Variants in DGKB observed in about 807,000 individuals in gnomAD.
DGKB encodes diacylglycerol kinase beta.
DGKB carries 67 observed loss-of-function variants against 114.3 expected under a neutral mutation model. The ratio of observed to expected loss-of-function variants is 0.59; its 90% CI spans 0.48 to 0.72. The LOEUF is 0.72. DGKB is among the 30% of genes least tolerant of loss of function. DGKB has a pLI of 0.00. For missense variants in DGKB, 907 were observed against 975.2 expected, an observed-to-expected ratio of 0.93 and a Z score of 0.93; for synonymous variants, 398 against 323.1, an observed-to-expected ratio of 1.23 and a Z score of -2.49.
chr7:14,777,255 G>C (rs1428060759), intron 2 of DGKB, among the ~76,000 whole-genome samples: 2 of 152,088 alleles, frequency 1.3e-5, no homozygotes, highest in South Asian at 4.1e-4. Context: ...ATGAGACTTT[G>C]GACTTGGACT....
At chr7:14,896,455 A>G (rs910137561) in intron 1 of DGKB, among the ~76,000 whole-genome samples, 2 of 151,654 alleles carry the variant, frequency 1.3e-5, no homozygotes, top group African/African-American at 4.8e-5. Flanking sequence ...TATTTAATAA[A>G]TTTTGTAGCC....
intron 21 of DGKB, among the ~76,000 whole-genome samples, chr7:14,391,181 A>T (rs1292134180): frequency 6.6e-6 from 1 of 152,228 alleles, no homozygotes; most frequent in Admixed American, 6.5e-5. Context: ...ACTTTTAAGA[A>T]TTCAGTTAAC....
At chr7:14,498,067 G>A (rs778064194) in intron 20 of DGKB, among the ~76,000 whole-genome samples, 8 of 151,904 alleles carry the variant, frequency 5.3e-5, no homozygotes, top group Non-Finnish European at 1.0e-4. Context: ...GAATATCCAT[G>A]CTTTATTGTA....
intron 1 of DGKB, among the ~76,000 whole-genome samples, chr7:14,853,823 G>C (rs918174264): frequency 7.8e-5 from 11 of 140,478 alleles, no homozygotes; most frequent in African/African-American, 2.9e-4. Flanking sequence ...AGCCGAGATT[G>C]GGCCACTGCA....
chr7:14,887,760 A>C (rs922702291), intron 1 of DGKB, among the ~76,000 whole-genome samples: 5 of 151,826 alleles, frequency 3.3e-5, no homozygotes, highest in African/African-American at 1.2e-4. Flanking sequence ...ATTGTATCAT[A>C]TATTTAATTT....
intron 23 of DGKB, among the ~76,000 whole-genome samples, chr7:14,324,575 A>C (rs1290416297): frequency 6.6e-6 from 1 of 152,176 alleles, no homozygotes; most frequent in Non-Finnish European, 1.5e-5. Context: ...AGGATTGTCC[A>C]TGAAGAATGA....
intron 23 of DGKB, among the ~76,000 whole-genome samples, chr7:14,327,323 CAG>C (rs1310981609): frequency 6.6e-6 from 1 of 151,470 alleles, no homozygotes; most frequent in Non-Finnish European, 1.5e-5. Context: ...AAAAAGCAAA[CAG>C]AAATTTAAAA....
chr7:14,432,661 G>C (rs573953749), intron 21 of DGKB, among the ~76,000 whole-genome samples: 23 of 152,196 alleles, frequency 1.5e-4, no homozygotes, highest in African/African-American at 5.1e-4. Context: ...TCTAAGAGTG[G>C]ATCCATCAAC....
Position 14,298,012 on chromosome 7 carries a change from C to T in DGKB, c.2122+40503G>A, listed in dbSNP as rs190814107. 5.2e-3 allele frequency among the ~76,000 whole-genome samples: 796 copies of T among 152,210 alleles called. 1 individual carries two copies. The highest frequency in any genetic ancestry group is 0.017 in the Middle Eastern group (5 of 294). On this transcript the variant is annotated intron_variant, in intron 23 of 25. Transcript: ENST00000402815. ...ACAACTTACAAGGGATTTGAAGGAA[C>T]TCTTCAAGGAGAACTGCAAACAACT...
intron 21 of DGKB, among the ~76,000 whole-genome samples, chr7:14,357,748 C>G (rs1192987134): frequency 1.3e-5 from 2 of 152,104 alleles, no homozygotes; most frequent in Non-Finnish European, 2.9e-5. Flanking sequence ...TTGTTCCTTT[C>G]CGTGTTTAGT....
chr7:14,878,316 G>C (rs941164418), intron 1 of DGKB, among the ~76,000 whole-genome samples: 4 of 152,140 alleles, frequency 2.6e-5, no homozygotes, highest in African/African-American at 9.7e-5. Flanking sequence ...TTTTGCAATT[G>C]TTCTAATGTC....
At chr7:14,170,461 A>G (rs1206288444) in intron 25 of DGKB, among the ~76,000 whole-genome samples, 3 of 152,182 alleles carry the variant, frequency 2.0e-5, no homozygotes, top group Non-Finnish European at 4.4e-5. Flanking sequence ...TAAGCAAGGT[A>G]AATTTTATAT....
chr7:14,254,472 A>T (rs777589137), intron 23 of DGKB, among the ~76,000 whole-genome samples: 13 of 152,316 alleles, frequency 8.5e-5, no homozygotes, highest in Middle Eastern at 6.8e-3. Context: ...AGATGATTGC[A>T]TTTGAGTTTC....
At chr7:14,666,046 T>A (rs1817963124) in intron 13 of DGKB, among the ~76,000 whole-genome samples, 1 of 151,792 alleles carries the variant, frequency 6.6e-6, no homozygotes, top group African/African-American at 2.4e-5. Flanking sequence ...TATAAACACA[T>A]AAAAATAAAC....
chr7:14,206,877 G>A (rs28605107), intron 23 of DGKB, among the ~76,000 whole-genome samples: 9 of 151,954 alleles, frequency 5.9e-5, no homozygotes, highest in Non-Finnish European at 1.2e-4. Flanking sequence ...TAGGCTAATA[G>A]ATTGTACTAC....
At chr7:14,735,659 C>T (rs1831598331) in intron 5 of DGKB, among the ~76,000 whole-genome samples, 1 of 152,040 alleles carries the variant, frequency 6.6e-6, no homozygotes, top group Non-Finnish European at 1.5e-5. Flanking sequence ...AGTATATTGG[C>T]AATTAGCAAA....
At chr7:14,878,916 C>G (rs1853785517) in intron 1 of DGKB, among the ~76,000 whole-genome samples, 1 of 149,536 alleles carries the variant, frequency 6.7e-6, no homozygotes, top group Admixed American at 6.6e-5. Flanking sequence ...GTTACAAGAT[C>G]TGCCGGCCAT....
intron 21 of DGKB, among the ~76,000 whole-genome samples, chr7:14,469,338 T>C (rs1456434257): frequency 6.6e-6 from 1 of 152,126 alleles, no homozygotes; most frequent in Non-Finnish European, 1.5e-5. Context: ...CAATAGCAGA[T>C]AAGCAGTATT....
chr7:14,573,467 CTGTGTGTG>C (rs4027158), intron 20 of DGKB, among the ~76,000 whole-genome samples: 16,534 of 145,544 alleles, frequency 0.11, 996 homozygotes, highest in East Asian at 0.3. Context: ...TAATCTATCT[CTGTGTGTG>C]TGTGTGTGTG....
Sources: gnomAD v4.1 joint callset for allele counts (sites outside exome capture counted in the v4.1 genomes callset) on GRCh38, gnomAD v4.1.1 for gene constraint, MANE v1.5 for transcripts, NCBI Gene and HGNC (gene_info 2026-07-23, HGNC 2026-07-21) for gene names.